Variants in CDH13 observed in about 807,000 individuals in gnomAD.
CDH13 encodes the protein cadherin-13.
In CDH13, 24 loss-of-function variants were observed where a neutral mutation model predicts 63.8. That is an observed-to-expected ratio of 0.38 (90% CI 0.27 to 0.53). The LOEUF (loss-of-function observed/expected upper bound fraction) is 0.53, where lower values mean the gene tolerates loss of function less well. Among genes scored for constraint, CDH13 ranks in the 20% least tolerant of loss-of-function variants. The pLI, the probability that CDH13 is intolerant of heterozygous loss-of-function variation, is 0.85. For synonymous variants in CDH13, 503 were observed against 355.3 expected, an observed-to-expected ratio of 1.42 and a Z score of -4.67; for missense variants, 1,049 against 903.1, an observed-to-expected ratio of 1.16 and a Z score of -2.07.
intron 11 of CDH13, among the ~76,000 whole-genome samples, chr16:83,767,106 G>T (rs1304695774): frequency 1.3e-5 from 2 of 152,156 alleles, no homozygotes; most frequent in African/African-American, 2.4e-5. Context: ...CAAGACCAGG[G>T]ATCCTATTCT....
At chr16:83,197,973 T>G (rs756667881) in intron 4 of CDH13, among the ~76,000 whole-genome samples, 1 of 152,216 alleles carries the variant, frequency 6.6e-6, no homozygotes, top group South Asian at 2.1e-4. Context: ...CAAATGCATG[T>G]GCATCTATAA....
intron 8 of CDH13, among the ~76,000 whole-genome samples, chr16:83,661,247 G>A (rs1189911009): frequency 4.6e-5 from 7 of 152,018 alleles, no homozygotes; most frequent in Non-Finnish European, 7.4e-5. Flanking sequence ...AGCACTTTGC[G>A]GGACCAAGAC....
intron 6 of CDH13, among the ~76,000 whole-genome samples, chr16:83,372,456 C>G (rs983471386): frequency 2.0e-5 from 3 of 152,086 alleles, no homozygotes; most frequent in African/African-American, 4.8e-5. Flanking sequence ...CAGGTCTACT[C>G]TATTCTTAGA....
chr16:83,061,210 A>T (rs1380332421), intron 3 of CDH13, among the ~76,000 whole-genome samples: 1 of 152,146 alleles, frequency 6.6e-6, no homozygotes, highest in Non-Finnish European at 1.5e-5. Flanking sequence ...GTGTAATGTC[A>T]GTTTCTAATT....
chr16:83,182,484 T>C (rs1431636831), intron 4 of CDH13, among the ~76,000 whole-genome samples: 1 of 152,226 alleles, frequency 6.6e-6, no homozygotes, highest in Non-Finnish European at 1.5e-5. Context: ...GTCATGTGTG[T>C]TCACTTTATG....
At chr16:83,743,037 G>T (rs1197490484) in intron 10 of CDH13, among the ~76,000 whole-genome samples, 1 of 152,072 alleles carries the variant, frequency 6.6e-6, no homozygotes, top group Non-Finnish European at 1.5e-5. Context: ...GTGAAACCCC[G>T]CTCTACTAAA....
intron 3 of CDH13, among the ~76,000 whole-genome samples, chr16:83,059,329 T>C (rs891810049): frequency 1.1e-4 from 16 of 152,156 alleles, no homozygotes; most frequent in Admixed American, 9.8e-4. Flanking sequence ...GAGCGGGTGT[T>C]AACTGCCTTC....
At chr16:83,187,549 A>G (rs1157592108) in intron 4 of CDH13, among the ~76,000 whole-genome samples, 2 of 152,036 alleles carry the variant, frequency 1.3e-5, no homozygotes, top group African/African-American at 2.4e-5. Context: ...GTAGATTGGC[A>G]GGGGAAATCC....
Position 82,848,201 on chromosome 16 carries a change from A to G in CDH13, c.46-10161A>G, listed in dbSNP as rs146257367. ...AGCTGGTGAGTGGCATCAGTGAGAA[A>G]ATTAGTCCTGGAGTTGCAGCAAATT... On this transcript the variant is annotated intron_variant, in intron 1 of 13. Coordinates refer to ENST00000567109, the MANE Select transcript of CDH13 (RefSeq NM_001257.5). 3.3e-3 allele frequency among the ~76,000 whole-genome samples: 504 copies of G among 152,332 alleles called. 6 individuals carry two copies. Among genetic ancestry groups the G allele is most frequent in the African/African-American group, 0.011 (457 of 41,574 alleles).
intron 2 of CDH13, among the ~76,000 whole-genome samples, chr16:83,014,742 A>AC (rs1198115608): frequency 1.0e-4 from 3 of 29,618 alleles, no homozygotes; most frequent in African/African-American, 3.2e-4. Flanking sequence ...AAAAAAAAAA[A>AC]AATATATATA....
At chr16:83,285,357 G>C (rs891931319) in intron 5 of CDH13, among the ~76,000 whole-genome samples, 1 of 152,014 alleles carries the variant, frequency 6.6e-6, no homozygotes, top group African/African-American at 2.4e-5. Context: ...AAGTAATTAT[G>C]AGGTTGTTTT....
intron 7 of CDH13, among the ~76,000 whole-genome samples, chr16:83,561,652 C>T (rs1487901812): frequency 2.0e-5 from 3 of 152,162 alleles, no homozygotes; most frequent in Admixed American, 6.5e-5. Context: ...AGCAGAATTT[C>T]CTTCATTTTC....
At chr16:83,042,208 C>T (rs1470436241) in intron 3 of CDH13, among the ~76,000 whole-genome samples, 1 of 152,192 alleles carries the variant, frequency 6.6e-6, no homozygotes, top group Non-Finnish European at 1.5e-5. Flanking sequence ...CTGTTAGAAA[C>T]CGGGCTGCAC....
At chr16:83,695,885 C>G (rs184227802) in intron 10 of CDH13, among the ~76,000 whole-genome samples, 53 of 150,950 alleles carry the variant, frequency 3.5e-4, no homozygotes, top group Middle Eastern at 3.5e-3. Flanking sequence ...TATATTTATG[C>G]CAAAGAACTT....
intron 1 of CDH13, among the ~76,000 whole-genome samples, chr16:82,746,056 G>C (rs561787631): frequency 5.3e-5 from 8 of 151,934 alleles, no homozygotes; most frequent in African/African-American, 1.9e-4. Context: ...AAACATAATT[G>C]CCAGCATAAG....
At position 83,523,097 on chromosome 16, in the gene CDH13, T is replaced by C. The variant is rs1043219955; in HGVS notation, c.960+36442T>C. Among the ~76,000 whole-genome samples the C allele has an allele frequency of 3.3e-5, 5 of 152,218 alleles. No individual in the cohort carries two copies. The East Asian group carries it at 5.8e-4, about 18-fold the overall frequency. On this transcript the variant is annotated intron_variant, in intron 7 of 13. Transcript: ENST00000567109. Reference sequence around the variant, plus strand: ...GCCTCCCTATTCCACCCTCCTCTGGTACCCCTTTTATAGGTGCTTCTTCCT... The same window carrying C: ...GCCTCCCTATTCCACCCTCCTCTGGCACCCCTTTTATAGGTGCTTCTTCCT...
At chr16:83,539,370 C>T (rs773951987) in intron 7 of CDH13, among the ~76,000 whole-genome samples, 1 of 152,186 alleles carries the variant, frequency 6.6e-6, no homozygotes, top group Non-Finnish European at 1.5e-5. Flanking sequence ...GTCATGCTCA[C>T]TCACTTGCCA....
chr16:83,110,006 G>A (rs1181641805), intron 3 of CDH13, among the ~76,000 whole-genome samples: 2 of 152,212 alleles, frequency 1.3e-5, no homozygotes, highest in African/African-American at 2.4e-5. Flanking sequence ...CAAAGCGTAT[G>A]TTTTTGTTTT....
At chr16:82,687,646 C>G (rs921576674) in intron 1 of CDH13, among the ~76,000 whole-genome samples, 1 of 152,116 alleles carries the variant, frequency 6.6e-6, no homozygotes, top group Non-Finnish European at 1.5e-5. Flanking sequence ...ATTCAGTTAC[C>G]TCCCACCCAC....
Sources: allele counts gnomAD v4.1 joint callset (sites outside exome capture counted in the v4.1 genomes callset), GRCh38; gene constraint gnomAD v4.1.1; transcripts MANE v1.5; gene names NCBI Gene and HGNC (gene_info 2026-07-23, HGNC 2026-07-21).